Variants in TBC1D8B observed in about 807,000 individuals in gnomAD.
TBC1D8B encodes the protein TBC1 domain family member 8B, also known as RP11-321G1.1.
A neutral mutation model predicts 82.9 loss-of-function variants in TBC1D8B; 75 were observed. The ratio of observed to expected loss-of-function variants is 0.90; its 90% CI spans 0.75 to 1.10. TBC1D8B has a LOEUF of 1.10. TBC1D8B is among the 50% of genes least tolerant of loss of function. The probability of loss-of-function intolerance (pLI) is 0.00; values close to 1 mark genes in which losing one functional copy is unlikely to be tolerated. For missense variants in TBC1D8B, 794 were observed against 796.9 expected (o/e 1.00, Z 0.04); for synonymous variants, 276 against 276.8 (o/e 1.00, Z 0.03).
At chrX:106,823,572 T>G (rs1931758091) in intron 5 of TBC1D8B, 106 bp downstream of exon 5, 9 of 891,221 alleles carry the variant, frequency 1.0e-5, no homozygotes, top group South Asian at 3.0e-5. Flanking sequence ...TATGATAGGG[T>G]TTTTTTTGGA....
At chrX:106,844,468 A>AT (rs1415765455) in intron 10 of TBC1D8B, among the ~76,000 whole-genome samples, 1 of 101,951 alleles carries the variant, frequency 9.8e-6, no homozygotes, top group Non-Finnish European at 1.9e-5. Flanking sequence ...TGATCATGTT[A>AT]TTTTTTCCAT....
intron 9 of TBC1D8B, among the ~76,000 whole-genome samples, 158 bp downstream of exon 9, chrX:106,840,356 T>C (rs1246169595): frequency 2.7e-5 from 3 of 111,895 alleles, no homozygotes; most frequent in Non-Finnish European, 1.9e-5. Context: ...TAAGTAGTTA[T>C]CTATACCTTA....
At chrX:106,830,243 A>C (rs1294628349) in intron 7 of TBC1D8B, among the ~76,000 whole-genome samples, 1 of 112,036 alleles carries the variant, frequency 8.9e-6, no homozygotes, top group African/African-American at 3.2e-5. Context: ...AACCACAATG[A>C]GATACCATCT....
intron 7 of TBC1D8B, 52 bp from the exon 8 acceptor site, chrX:106,839,256 C>T: frequency 2.8e-6 from 3 of 1,067,070 alleles, no homozygotes; most frequent in South Asian, 6.2e-5. Flanking sequence ...ACTTTTTTTT[C>T]TTGTAGAAAC....
intron 10 of TBC1D8B, among the ~76,000 whole-genome samples, chrX:106,841,528 A>G (rs1298526570): frequency 9.0e-6 from 1 of 111,722 alleles, no homozygotes; most frequent in Middle Eastern, 4.2e-3. Flanking sequence ...AATAAGGTAG[A>G]TTGGGATAGA....
chrX:106,866,557 G>A (rs941613765), intron 16 of TBC1D8B, among the ~76,000 whole-genome samples: 11 of 112,148 alleles, frequency 9.8e-5, no homozygotes, highest in African/African-American at 3.6e-4. Context: ...TGAGATTGGG[G>A]GGAAGGAGCT....
chrX:106,827,708 C>G (rs906424423), intron 7 of TBC1D8B: 3 of 130,283 alleles, frequency 2.3e-5, no homozygotes, highest in African/African-American at 9.6e-5. Context: ...AAAGACATAG[C>G]AATTTTAAAC....
intron 14 of TBC1D8B, among the ~76,000 whole-genome samples, chrX:106,855,781 T>C (rs1006678584): frequency 3.6e-5 from 4 of 111,856 alleles, no homozygotes; most frequent in Middle Eastern, 4.6e-3. Context: ...CCCTGCCAAA[T>C]TATGCTTCAA....
At chrX:106,853,691 T>C in intron 13 of TBC1D8B, 41 bp downstream of exon 13, 1 of 1,130,523 alleles carries the variant, frequency 8.8e-7, no homozygotes, top group Non-Finnish European at 1.2e-6. Flanking sequence ...CTAGCATATT[T>C]AAAATGATTG....
chrX:106,803,287 GT>G (rs970877917), intron 1 of TBC1D8B, among the ~76,000 whole-genome samples: 3 of 111,735 alleles, frequency 2.7e-5, no homozygotes, highest in African/African-American at 9.8e-5. Flanking sequence ...GATGATGAGT[GT>G]TAGACCTAGA....
At chrX:106,836,033 C>A (rs1420214573) in intron 7 of TBC1D8B, among the ~76,000 whole-genome samples, 5 of 111,944 alleles carry the variant, frequency 4.5e-5, no homozygotes, top group African/African-American at 1.6e-4. Flanking sequence ...TACAGCAGCG[C>A]CCCACTACCT....
At chrX:106,849,985 G>GA (rs750632163) in intron 11 of TBC1D8B, 40 bp from the exon 12 acceptor site, 6 of 1,145,576 alleles carry the variant, frequency 5.2e-6, no homozygotes, top group Non-Finnish European at 6.9e-6. Context: ...AAGTCCTTTT[G>GA]AAAAATGTTT....
intron 17 of TBC1D8B, among the ~76,000 whole-genome samples, chrX:106,867,194 C>T (rs1405685146): frequency 9.0e-6 from 1 of 111,569 alleles, no homozygotes; most frequent in African/African-American, 3.3e-5. Context: ...TGGAAATTAA[C>T]TTTAGACAAA....
intron 1 of TBC1D8B, among the ~76,000 whole-genome samples, chrX:106,816,671 C>T (rs183520084): frequency 1.1e-4 from 12 of 111,132 alleles, no homozygotes; most frequent in Admixed American, 7.7e-4. Flanking sequence ...TCTCTATAAT[C>T]TGCACATACT....
At chrX:106,839,542 A>G (rs1180211444) in intron 8 of TBC1D8B, 85 bp downstream of exon 8, 1 of 960,686 alleles carries the variant, frequency 1.0e-6, no homozygotes, top group Non-Finnish European at 1.4e-6. Flanking sequence ...AGGTATCACA[A>G]CTGAAAACTC....
Position 106,820,803 on chromosome X carries a change from T to C in TBC1D8B, c.242-74T>C. The stretch of plus-strand genomic sequence containing the variant: ...GAAAATGTTATTTCTTTTTAAACTA[T>C]GCTTTTAAATAACAAGAGCAGTTTT... On this transcript the variant is annotated intron_variant, in intron 2 of 20. Transcript: ENST00000357242. 8 of 679,351 alleles carry C rather than the reference T, an allele frequency of 1.2e-5. No individual in the cohort carries two copies. In the South Asian group the frequency reaches 2.1e-4, roughly 17 times the overall value. The allele number at this position is 679,351 out of a possible 1,213,427, so 56.0% of individuals were successfully genotyped here. A position where few individuals can be genotyped will look rare whatever the true frequency, so the allele number is the denominator to read the frequency against.
chrX:106,822,197 C>T lies in TBC1D8B; in HGVS notation c.581C>T (p.Ser194Leu), dbSNP rs776431738. The T allele has an allele frequency of 2.9e-5, 35 of 1,195,230 alleles. No homozygotes were observed. In the Admixed American group the frequency reaches 7.8e-4, roughly 27 times the overall value. Residue 194 changes from serine to leucine, a missense_variant, in exon 4 of 21, where the codon TCA becomes TTA. Ser to Leu is a moderately radical substitution (Grantham distance 145). Transcript: ENST00000357242. Reference protein sequence around the residue: ...FLSFYSFLLGSEIKLIISWDE... With the variant: ...FLSFYSFLLGLEIKLIISWDE... ...AGCTTCTATTCTTTTTTGTTGGGAT[C>T]AGAAAGTAAGTGGTTTCTATTGCTT...
In TBC1D8B at chrX:106,854,218, T is replaced by A; in HGVS notation, c.2274T>A (p.Tyr758Ter). The A allele has an allele frequency of 8.5e-7, 1 of 1,175,375 alleles. No homozygotes were observed. The highest frequency in any genetic ancestry group is 1.1e-6 in the Non-Finnish European group (1 of 880,022). ...ESNEKYGNIRYEDIHSMRCRN... is the reference protein window; with the variant it reads ...ESNEKYGNIR ...TGCAGAAATATGGTAATATTCGCTA[T>A]GAAGATATACATAGTATGCGCTGTC... The change falls in exon 14 of 21, where the codon TAT becomes TAA. Residue 758 changes from tyrosine (Y) to a stop codon, truncating the protein, a stop_gained. Transcript: ENST00000357242. LOFTEE classifies it high-confidence loss of function.
At chrX:106,826,289 C>A in intron 6 of TBC1D8B, 52 bp downstream of exon 6, 1 of 1,022,121 alleles carries the variant, frequency 9.8e-7, no homozygotes, top group Non-Finnish European at 1.4e-6. Flanking sequence ...TGTTATCCTT[C>A]ACAGAGTAAA....
Sources: gnomAD v4.1 joint callset for allele counts (sites outside exome capture counted in the v4.1 genomes callset) on GRCh38, gnomAD v4.1.1 for gene constraint, MANE v1.5 for transcripts, NCBI Gene and HGNC (gene_info 2026-07-23, HGNC 2026-07-21) for gene names.